The following KHDRBS1 variants were observed in gnomAD, a reference collection of about 807,000 sequenced individuals.
KHDRBS1 encodes KH domain-containing, RNA-binding, signal transduction-associated protein 1.
KHDRBS1 carries 7 observed loss-of-function variants against 48.4 expected under a neutral mutation model. The ratio of observed to expected loss-of-function variants is 0.14; its 90% confidence interval spans 0.08 to 0.27. The LOEUF is 0.27. KHDRBS1 is among the 10% of genes least tolerant of loss of function. The probability of loss-of-function intolerance (pLI) is 1.00; values close to 1 mark genes in which losing one functional copy is unlikely to be tolerated. For synonymous variants in KHDRBS1, 241 were observed against 235.8 expected, an observed-to-expected ratio of 1.02 and a Z score of -0.20; for missense variants, 458 against 601.2, an observed-to-expected ratio of 0.76 and a Z score of 2.49.
chr1:32,026,256 A>G (rs1638968950), intron 1 of KHDRBS1, among the ~76,000 whole-genome samples: 1 of 151,856 alleles, frequency 6.6e-6, no homozygotes. Context: ...ACAGCCTCCA[A>G]CTGCTTATCC....
intron 1 of KHDRBS1, among the ~76,000 whole-genome samples, chr1:32,017,017 G>A (rs1638755025): frequency 1.3e-5 from 2 of 152,162 alleles, no homozygotes; most frequent in South Asian, 4.1e-4. Context: ...CAACACTTTG[G>A]GAGGCTGAGG....
At chr1:32,038,423 T>C in intron 6 of KHDRBS1, 129 bp from the exon 7 acceptor site, 6 of 911,126 alleles carry the variant, frequency 6.6e-6, no homozygotes, top group Middle Eastern at 5.8e-4. Context: ...CAGTAGGCAT[T>C]AACATTTTGG....
intron 10 of KHDRBS1, among the ~76,000 whole-genome samples, chr1:32,057,755 C>T (rs1342265774): frequency 2.0e-5 from 3 of 149,468 alleles, no homozygotes; most frequent in Admixed American, 1.3e-4. Context: ...GCTGAGATCG[C>T]GCCACTGCAC....
rs1639312682 is a variant in KHDRBS1 at position 32,043,153 on chromosome 1, T to G, written c.*529T>G. On this transcript the variant is annotated 3_prime_UTR_variant, in exon 9 of 9. Coordinates refer to ENST00000327300, the MANE Select transcript of KHDRBS1 (RefSeq NM_006559.3). Reference sequence around the variant, plus strand: ...GGCAGTAGGCACCACCATGTAAAAGTGAGCTCAGACGTCTCTAAAAAATGT... The same window carrying G: ...GGCAGTAGGCACCACCATGTAAAAGGGAGCTCAGACGTCTCTAAAAAATGT... The G allele has an allele frequency of 6.6e-6, 1 of 152,630 alleles. No homozygotes were observed. Among genetic ancestry groups the G allele is most frequent in the Non-Finnish European group, 1.5e-5 (1 of 68,060 alleles). The allele number at this position is 152,630 out of a possible 1,614,324, so 9.5% of individuals were successfully genotyped here. A position where few individuals can be genotyped will look rare whatever the true frequency, so the allele number is the denominator to read the frequency against.
At chr1:32,031,393 G>T (rs1041542704) in intron 2 of KHDRBS1, 131 bp from the exon 3 acceptor site, 1 of 629,800 alleles carries the variant, frequency 1.6e-6, no homozygotes, top group African/African-American at 1.8e-5. Flanking sequence ...TATGGCTTCA[G>T]TGTCCTTCAG....
intron 10 of KHDRBS1, among the ~76,000 whole-genome samples, chr1:32,054,938 T>C (rs531218346): frequency 6.6e-6 from 1 of 152,294 alleles, no homozygotes; most frequent in East Asian, 1.9e-4. Flanking sequence ...TGATTATCCA[T>C]GGTATACAGA....
At chr1:32,021,900 C>T (rs1025689301) in intron 1 of KHDRBS1, among the ~76,000 whole-genome samples, 2 of 151,838 alleles carry the variant, frequency 1.3e-5, no homozygotes, top group African/African-American at 4.8e-5. Flanking sequence ...ATCTGCCTGC[C>T]TCAGCCTCCC....
chr1:32,024,274 G>A (rs1638918449), intron 1 of KHDRBS1, among the ~76,000 whole-genome samples: 1 of 151,296 alleles, frequency 6.6e-6, no homozygotes, highest in Non-Finnish European at 1.5e-5. Flanking sequence ...GTCAGAAAAG[G>A]CCTAAAGGCC....
At chr1:32,033,857 A>G (rs1303527566) in intron 4 of KHDRBS1, among the ~76,000 whole-genome samples, 2 of 152,136 alleles carry the variant, frequency 1.3e-5, no homozygotes, top group Non-Finnish European at 2.9e-5. Flanking sequence ...TTAGTTTGGA[A>G]GAGGTTGACT....
downstream of KHDRBS1, among the ~76,000 whole-genome samples, chr1:32,046,155 ATACTG>A (rs1427197637): frequency 1.3e-5 from 2 of 150,780 alleles, no homozygotes; most frequent in African/African-American, 4.9e-5. Context: ...ATCCTATACT[ATACTG>A]TCCTTAATCT....
In KHDRBS1 at chr1:32,037,135, G is replaced by A. The variant is rs1415576573; in HGVS notation, c.905+92G>A. The A allele has an allele frequency of 9.4e-6, 13 of 1,384,738 alleles. No homozygotes were observed. The South Asian group carries it at 1.6e-4, about 17-fold the overall frequency. The allele number at this position is 1,384,738 out of a possible 1,614,324, so 85.8% of individuals were successfully genotyped here. ...GTGCTCTTATGTCTAGCTTAGGAAG[G>A]GTCTCAGGATTTGTATGTTGCATAA... On this transcript the variant is annotated intron_variant, in intron 5 of 8. Transcript: ENST00000327300.
Position 32,033,296 on chromosome 1 carries a change from G to A in KHDRBS1, c.733G>A (p.Ala245Thr), listed in dbSNP as rs747294099. 1.9e-6 allele frequency: 3 copies of A among 1,614,160 alleles called. No individual in the cohort carries two copies. The highest frequency in any genetic ancestry group is 2.2e-5 in the South Asian group (2 of 91,090). ...CCCATGTGAGGCTTATGCTCTTATG[G>A]CCCATGCCATGGAGGAAGTCAAGAA... The part of the protein sequence containing the change: ...GPPCEAYALM[A>T]HAMEEVKKFL... The change falls in exon 4 of 9, where the codon GCC becomes ACC. Residue 245 changes from alanine to threonine, a missense_variant. This residue lies in a region of KHDRBS1 where 74 missense variants were observed against 156.9 expected (regional missense o/e 0.47). Coordinates refer to ENST00000327300, the MANE Select transcript of KHDRBS1 (RefSeq NM_006559.3).
At chr1:32,032,378 G>A (rs765949889) in intron 3 of KHDRBS1, among the ~76,000 whole-genome samples, 11 of 152,060 alleles carry the variant, frequency 7.2e-5, no homozygotes, top group African/African-American at 9.7e-5. Flanking sequence ...ATATAGTTAC[G>A]GCTGAAGTGT....
rs919461941 is a variant in KHDRBS1 at position 32,017,226 on chromosome 1, C to G, written c.382+2849C>G. 4.0e-5 allele frequency among the ~76,000 whole-genome samples: 6 copies of G among 151,810 alleles called. No homozygotes were observed. In the East Asian group the frequency reaches 7.7e-4, roughly 20 times the overall value. On this transcript the variant is annotated intron_variant, in intron 1 of 8. Transcript: ENST00000327300. ...TGAGCCCAGATTGCACCATTGCACT[C>G]CAGCCTGGGTGAAGAAGCAAGACTC... is the stretch of plus-strand genomic sequence containing the variant.
chr1:32,029,228 A>G (rs912105611), intron 1 of KHDRBS1, among the ~76,000 whole-genome samples: 15 of 152,198 alleles, frequency 9.9e-5, no homozygotes, highest in African/African-American at 3.4e-4. Flanking sequence ...CTTTTAGGTG[A>G]TGATGGATAT....
rs1236385284 is a variant in KHDRBS1, at chr1:32,043,787, CA to C, written c.*1164del. ...TTTGTTCTCGGAAGATTAAATGCTA[CA>C]TGTGTAAGTCTGCCTAAATAGGTAG... On this transcript the variant is annotated 3_prime_UTR_variant, in exon 9 of 9. Coordinates refer to ENST00000327300, the MANE Select transcript of KHDRBS1 (RefSeq NM_006559.3). 2.0e-5 allele frequency: 3 copies of C among 152,606 alleles called. No individual in the cohort carries two copies. Among genetic ancestry groups the C allele is most frequent in the Admixed American group, 2.0e-4 (3 of 15,270 alleles). The allele number at this position is 152,606 out of a possible 1,614,324, so 9.5% of individuals were successfully genotyped here. A position where few individuals can be genotyped will look rare whatever the true frequency, so the allele number is the denominator to read the frequency against.
chr1:32,055,628 G>T (rs1441427272), intron 10 of KHDRBS1, among the ~76,000 whole-genome samples: 1 of 152,128 alleles, frequency 6.6e-6, no homozygotes, highest in East Asian at 1.9e-4. Flanking sequence ...GCTGCTTAGT[G>T]GGAGAGGAGG....
At chr1:32,057,277 C>A (rs923548842) in intron 10 of KHDRBS1, among the ~76,000 whole-genome samples, 2 of 152,234 alleles carry the variant, frequency 1.3e-5, no homozygotes, top group East Asian at 3.9e-4. Flanking sequence ...GTGATCCAGG[C>A]TCAAGTGATC....
chr1:32,031,385 T>C (rs867524504), intron 2 of KHDRBS1, 139 bp from the exon 3 acceptor site: 26 of 609,328 alleles, frequency 4.3e-5, no homozygotes, highest in African/African-American at 3.5e-4. Flanking sequence ...TTTATTAATA[T>C]GGCTTCAGTG....
Sources: gnomAD v4.1 joint callset for allele counts (sites outside exome capture counted in the v4.1 genomes callset) on GRCh38, gnomAD v4.1.1 for gene constraint, gnomAD v4.1.1 regional missense constraint, MANE v1.5 for transcripts, NCBI Gene and HGNC (gene_info 2026-07-23, HGNC 2026-07-21) for gene names.